Variants in SRPX observed in about 807,000 individuals in gnomAD.
SRPX encodes the protein sushi repeat containing protein X-linked.
Under a neutral mutation model 38.1 loss-of-function variants are expected in SRPX, and 24 were observed. The observed-to-expected ratio is 0.63, with a 90% confidence interval of 0.46 to 0.89. The LOEUF is 0.89. SRPX is among the 40% of genes least tolerant of loss of function. The pLI, the probability that SRPX is intolerant of heterozygous loss-of-function variation, is 0.00. For synonymous variants in SRPX, 184 were observed against 153.8 expected (o/e 1.20, Z -1.45); for missense variants, 416 against 377.8 (o/e 1.10, Z -0.84).
intron 1 of SRPX, among the ~76,000 whole-genome samples, chrX:38,206,392 A>C (rs1175835135): frequency 1.8e-5 from 2 of 112,353 alleles, no homozygotes; most frequent in African/African-American, 6.5e-5. Flanking sequence ...GTAAATACAT[A>C]GTTGTCACTT....
chrX:38,160,180 TTTGCCACAGCGTTTGA>T lies in SRPX; in HGVS notation c.776_791del (p.Val259AspfsTer10), dbSNP rs1938217424. 6.6e-6 allele frequency: 8 copies of T among 1,210,010 alleles called. No individual in the cohort carries two copies. The Admixed American group carries it at 1.5e-4, about 23-fold the overall frequency. Reference sequence around the variant, plus strand: ...TGTAACCATTCTCTGGGGCATTGAGTTTGCCACAGCGTTTGACTGTAGGGACACAAGTCCAGAGGGG... The same window carrying T: ...TGTAACCATTCTCTGGGGCATTGAGTCTGTAGGGACACAAGTCCAGAGGGG... On this transcript the variant is annotated frameshift_variant and splice_region_variant, in exon 7 of 10. Coordinates refer to ENST00000378533, the MANE Select transcript of SRPX (RefSeq NM_006307.5). LOFTEE classifies it high-confidence loss of function.
intron 1 of SRPX, among the ~76,000 whole-genome samples, chrX:38,197,442 C>CT (rs907969412): frequency 1.8e-4 from 20 of 111,317 alleles, no homozygotes; most frequent in Admixed American, 8.5e-4. Context: ...TTTTTCCTTT[C>CT]TTTTTTTTGG....
Position 38,177,081 on chromosome X carries a change from G to C in SRPX, c.157+1204C>G, listed in dbSNP as rs1418306033. On this transcript the variant is annotated intron_variant, in intron 2 of 9. Transcript: ENST00000378533. Reference sequence around the variant, plus strand: ...ACTAGGCAACCCCTGCTGTAGATGTGAAGGGTCATCTGTGCATGCATGTGT... The same window carrying C: ...ACTAGGCAACCCCTGCTGTAGATGTCAAGGGTCATCTGTGCATGCATGTGT... Among the ~76,000 whole-genome samples the C allele has an allele frequency of 8.1e-5, 9 of 111,093 alleles. No homozygotes were observed. The East Asian group carries it at 1.1e-3, about 14-fold the overall frequency.
intron 7 of SRPX, 21 bp downstream of exon 7, chrX:38,159,996 C>T: frequency 1.7e-6 from 2 of 1,201,874 alleles, no homozygotes; most frequent in Non-Finnish European, 2.2e-6. Context: ...CTGCTGCAGG[C>T]TGGAGGGGCG....
rs758461830 is a variant in SRPX, at chrX:38,158,978, T to TCAAA, written c.955+1035_955+1038dup. ...CTGGGTGACAGAGAGAGACTACATC[T>TCAAA]CAAACAAACAAACAAACAAACAAAT... is the stretch of plus-strand genomic sequence containing the variant. On this transcript the variant is annotated intron_variant, in intron 7 of 9. Coordinates refer to ENST00000378533, the MANE Select transcript of SRPX (RefSeq NM_006307.5). Among the ~76,000 whole-genome samples, 6 of 110,707 alleles carry TCAAA rather than the reference T, an allele frequency of 5.4e-5. No homozygotes were observed. The South Asian group carries it at 1.6e-3, about 29-fold the overall frequency.
chrX:38,196,374 T>C (rs1321231040), intron 1 of SRPX, among the ~76,000 whole-genome samples: 2 of 112,642 alleles, frequency 1.8e-5, no homozygotes, highest in African/African-American at 6.4e-5. Flanking sequence ...CACACATACA[T>C]TTATATGATC....
chrX:38,184,205 A>G (rs2147104849), intron 1 of SRPX, among the ~76,000 whole-genome samples: 1 of 111,789 alleles, frequency 8.9e-6, no homozygotes, highest in African/African-American at 3.2e-5. Context: ...CTAATGGAAA[A>G]CTTGGCAAAT....
rs562994931 is a variant in SRPX, at chrX:38,203,242, A to T, written c.97+17454T>A. On this transcript the variant is annotated intron_variant, in intron 1 of 9. Coordinates refer to ENST00000378533, the MANE Select transcript of SRPX (RefSeq NM_006307.5). ...GAAATTTAACATCCATTCGTGATTT[A>T]AAAAAAAAAATTACAGCAATCTAGG... 6.7e-4 allele frequency among the ~76,000 whole-genome samples: 72 copies of T among 107,832 alleles called. No homozygotes were observed. In the South Asian group the frequency reaches 0.027, roughly 41 times the overall value. 93.6% of individuals were successfully genotyped at this position (107,832 alleles called of 115,157 possible).
At chrX:38,215,451 A>T (rs1939409631) in intron 1 of SRPX, among the ~76,000 whole-genome samples, 1 of 111,859 alleles carries the variant, frequency 8.9e-6, no homozygotes, top group South Asian at 3.7e-4. Context: ...CTAAATCTTT[A>T]TCTGCACATC....
chrX:38,150,864 T>C (rs1937998607), intron 9 of SRPX, among the ~76,000 whole-genome samples: 1 of 112,263 alleles, frequency 8.9e-6, no homozygotes, highest in Non-Finnish European at 1.9e-5. Flanking sequence ...CAAACATATT[T>C]AGATGGGAAT....
rs750924867 is a variant in SRPX, at chrX:38,160,207, A to G, written c.776-11T>C. The stretch of plus-strand genomic sequence containing the variant: ...TGCCACAGCGTTTGACTGTAGGGAC[A>G]CAAGTCCAGAGGGGTCTCAGTGCTG... On this transcript the variant is annotated splice_polypyrimidine_tract_variant and intron_variant, in intron 6 of 9. Transcript: ENST00000378533. The G allele has an allele frequency of 1.2e-4, 141 of 1,207,547 alleles. No individual in the cohort carries two copies. The highest frequency in any genetic ancestry group is 3.0e-5 in the Non-Finnish European group (27 of 893,398).
intron 4 of SRPX, among the ~76,000 whole-genome samples, chrX:38,165,421 C>T (rs1051497541): frequency 5.3e-4 from 59 of 112,174 alleles, no homozygotes; most frequent in African/African-American, 1.9e-3. Context: ...GAATCATGTG[C>T]TCCTGACATT....
chrX:38,195,169 G>A (rs1362865363), intron 1 of SRPX, among the ~76,000 whole-genome samples: 1 of 109,881 alleles, frequency 9.1e-6, no homozygotes, highest in African/African-American at 3.3e-5. Context: ...CACTTTACCC[G>A]GCTGTAAATA....
chrX:38,179,673 T>C (rs1938631390), intron 1 of SRPX, among the ~76,000 whole-genome samples: 1 of 112,044 alleles, frequency 8.9e-6, no homozygotes, highest in Admixed American at 9.5e-5. Flanking sequence ...AGATGAGGGC[T>C]GGACTGTGTT....
intron 1 of SRPX, among the ~76,000 whole-genome samples, chrX:38,206,313 C>T (rs375672300): frequency 8.9e-6 from 1 of 112,148 alleles, no homozygotes; most frequent in East Asian, 2.8e-4. Context: ...GATGAGTCAC[C>T]CCAGACAACA....
At chrX:38,162,593 C>G (rs767743082) in intron 5 of SRPX, among the ~76,000 whole-genome samples, 2 of 112,392 alleles carry the variant, frequency 1.8e-5, no homozygotes, top group Non-Finnish European at 3.8e-5. Flanking sequence ...GCAGGCAGAT[C>G]ACCTGAGGTC....
chrX:38,185,904 G>A (rs923720538), intron 1 of SRPX, among the ~76,000 whole-genome samples: 2 of 104,973 alleles, frequency 1.9e-5, no homozygotes, highest in Non-Finnish European at 3.9e-5. Flanking sequence ...AAAAAGGGGG[G>A]GGGGAGTGAG....
At chrX:38,161,778 G>T (rs1602441026) in intron 5 of SRPX, among the ~76,000 whole-genome samples, 2 of 111,790 alleles carry the variant, frequency 1.8e-5, no homozygotes, top group South Asian at 7.7e-4. Flanking sequence ...ACTTGCCCAA[G>T]GTCACACAGC....
At chrX:38,183,926 T>C (rs1230457657) in intron 1 of SRPX, among the ~76,000 whole-genome samples, 1 of 111,695 alleles carries the variant, frequency 9.0e-6, no homozygotes, top group African/African-American at 3.3e-5. Context: ...AAAAACTTTC[T>C]CTAATTCAAC....
Sources: allele counts gnomAD v4.1 joint callset (sites outside exome capture counted in the v4.1 genomes callset), GRCh38; gene constraint gnomAD v4.1.1; transcripts MANE v1.5; gene names NCBI Gene and HGNC (gene_info 2026-07-23, HGNC 2026-07-21).